MSRB3: variants seen among roughly 807,000 people sequenced by gnomAD.
MSRB3 encodes methionine sulfoxide reductase B3, also known as methionine-R-sulfoxide reductase B3.
Under a neutral mutation model 21.0 loss-of-function variants are expected in MSRB3, and 13 were observed. The ratio of observed to expected loss-of-function variants is 0.62; its 90% confidence interval spans 0.40 to 0.98. The LOEUF is 0.98. MSRB3 is among the 50% of genes least tolerant of loss of function. The pLI is 0.00. For missense variants in MSRB3, 199 were observed against 230.3 expected (o/e 0.86, Z 0.88); for synonymous variants, 87 against 88.6 (o/e 0.98, Z 0.10).
chr12:65,456,917 C>G (rs1249919729), intron 6 of MSRB3, among the ~76,000 whole-genome samples: 1 of 152,082 alleles, frequency 6.6e-6, no homozygotes, highest in Non-Finnish European at 1.5e-5. Context: ...GACTGGGTAT[C>G]TTTCATTTCA....
chr12:65,442,031 T>C lies in MSRB3; in HGVS notation c.293-11697T>C, dbSNP rs79400441. The stretch of plus-strand genomic sequence containing the variant: ...GAAAACTGTATTTTCAAGAATGGTT[T>C]TCAGAATTTAAATTTTAGTAGGTGG... On this transcript the variant is annotated intron_variant, in intron 5 of 6. Transcript: ENST00000308259. Among the ~76,000 whole-genome samples, 316 of 152,206 alleles carry C rather than the reference T, an allele frequency of 2.1e-3. 2 individuals are homozygous for C. The highest frequency in any genetic ancestry group is 7.1e-3 in the African/African-American group (293 of 41,560).
intron 4 of MSRB3, among the ~76,000 whole-genome samples, chr12:65,366,264 G>A (rs867151052): frequency 6.6e-6 from 1 of 152,168 alleles, no homozygotes; most frequent in South Asian, 2.1e-4. Context: ...CTCAGGTCCA[G>A]GCTCTTTCAT....
At chr12:65,383,983 G>T (rs1045444148) in intron 5 of MSRB3, among the ~76,000 whole-genome samples, 3 of 152,114 alleles carry the variant, frequency 2.0e-5, no homozygotes, top group Non-Finnish European at 4.4e-5. Context: ...GTAGAGATAT[G>T]CTGCTCGATA....
chr12:65,374,789 C>A (rs1878507054), intron 5 of MSRB3, among the ~76,000 whole-genome samples: 1 of 152,106 alleles, frequency 6.6e-6, no homozygotes, highest in South Asian at 2.1e-4. Flanking sequence ...TTGTTTATTT[C>A]TTTTACAGGA....
intron 4 of MSRB3, among the ~76,000 whole-genome samples, chr12:65,350,012 A>T (rs1022397284): frequency 2.6e-5 from 4 of 151,186 alleles, no homozygotes; most frequent in African/African-American, 4.9e-5. Flanking sequence ...GGTGATGCCT[A>T]GGTTTTCTTC....
intron 5 of MSRB3, among the ~76,000 whole-genome samples, chr12:65,406,003 T>A (rs1880394612): frequency 1.3e-5 from 2 of 152,174 alleles, no homozygotes; most frequent in South Asian, 4.1e-4. Flanking sequence ...TTGTAAATAT[T>A]TTCTCTTGTT....
intron 5 of MSRB3, among the ~76,000 whole-genome samples, chr12:65,400,976 T>A (rs909053251): frequency 6.6e-6 from 1 of 152,146 alleles, no homozygotes; most frequent in East Asian, 1.9e-4. Flanking sequence ...TCTGAGAGAC[T>A]GTTTGTTATG....
At chr12:65,453,629 G>T in intron 5 of MSRB3, 99 bp from the exon 6 acceptor site, 1 of 901,066 alleles carries the variant, frequency 1.1e-6, no homozygotes, top group Non-Finnish European at 1.8e-6. Flanking sequence ...ATACACTAAG[G>T]ATTTTCATTA....
intron 4 of MSRB3, 81 bp from the exon 5 acceptor site, chr12:65,368,916 CA>C: frequency 2.9e-6 from 2 of 678,816 alleles, no homozygotes; most frequent in Non-Finnish European, 5.0e-6. Context: ...CCTCCCCTCC[CA>C]ACCACACCCC....
At chr12:65,401,959 A>C (rs959373405) in intron 5 of MSRB3, among the ~76,000 whole-genome samples, 1 of 152,176 alleles carries the variant, frequency 6.6e-6, no homozygotes, top group Non-Finnish European at 1.5e-5. Flanking sequence ...TCTGGCTTGT[A>C]GAGTTTCTGC....
Position 65,463,891 on chromosome 12 carries a change from T to C in MSRB3, c.*569T>C, listed in dbSNP as rs1319648597. The C allele has an allele frequency of 1.3e-5, 2 of 155,058 alleles. No homozygotes were observed. Among genetic ancestry groups the C allele is most frequent in the Non-Finnish European group, 2.9e-5 (2 of 69,962 alleles). The allele number at this position is 155,058 out of a possible 1,614,324, so 9.6% of individuals were successfully genotyped here. A position where few individuals can be genotyped will look rare whatever the true frequency, so the allele number is the denominator to read the frequency against. ...TAAAGTCTTTCCTTATGTTAAATTG[T>C]TGCCAGATCCAAAGGGGCATACTGA... On this transcript the variant is annotated 3_prime_UTR_variant, in exon 7 of 7. Coordinates refer to ENST00000308259, the MANE Select transcript of MSRB3 (RefSeq NM_001031679.3).
At chr12:65,455,522 T>C (rs1264507587) in intron 6 of MSRB3, among the ~76,000 whole-genome samples, 1 of 152,120 alleles carries the variant, frequency 6.6e-6, no homozygotes, top group African/African-American at 2.4e-5. Context: ...GGTCCTTTTT[T>C]CTCTCTGTTA....
intron 5 of MSRB3, among the ~76,000 whole-genome samples, chr12:65,393,630 CAAAAAAAAA>C (rs59417371): frequency 1.1e-5 from 1 of 90,662 alleles, no homozygotes; most frequent in Admixed American, 1.3e-4. Flanking sequence ...GACTCCGTCG[CAAAAAAAAA>C]AAAAAAAAAA....
rs1883515822 is a variant in MSRB3 at position 65,465,306 on chromosome 12, G to A, written c.*1984G>A. On this transcript the variant is annotated 3_prime_UTR_variant, in exon 7 of 7. Transcript: ENST00000308259. ...TAGCCAGGTGTGAAGGTTGTATGGTGTGTGACGAATGTACATCATGTTTGT... is the reference window on the plus strand; with the variant it reads ...TAGCCAGGTGTGAAGGTTGTATGGTATGTGACGAATGTACATCATGTTTGT... The A allele has an allele frequency of 6.6e-6, 1 of 152,204 alleles. No individual in the cohort carries two copies. The highest frequency in any genetic ancestry group is 6.5e-5 in the Admixed American group (1 of 15,290). 9.4% of individuals were successfully genotyped at this position (152,204 alleles called of 1,614,324 possible).
At chr12:65,440,941 T>C (rs539282390) in intron 5 of MSRB3, among the ~76,000 whole-genome samples, 4 of 152,050 alleles carry the variant, frequency 2.6e-5, no homozygotes, top group Admixed American at 2.6e-4. Context: ...TACCATTTAG[T>C]GGAGTAAGAC....
chr12:65,377,230 T>C (rs189457842), intron 5 of MSRB3, among the ~76,000 whole-genome samples: 30 of 151,942 alleles, frequency 2.0e-4, no homozygotes, highest in South Asian at 1.0e-3. Context: ...TCCAAGTCTG[T>C]GAATTTCTTA....
At chr12:65,291,552 C>T (rs1385672516) in intron 1 of MSRB3, among the ~76,000 whole-genome samples, 1 of 151,674 alleles carries the variant, frequency 6.6e-6, no homozygotes, top group Non-Finnish European at 1.5e-5. Flanking sequence ...AAGTTGCTTA[C>T]ATCCTTGCTG....
chr12:65,458,492 G>C (rs1309507251), intron 6 of MSRB3, among the ~76,000 whole-genome samples: 1 of 152,232 alleles, frequency 6.6e-6, no homozygotes, highest in African/African-American at 2.4e-5. Context: ...AAGTGTTGCA[G>C]TGAGGTTCTT....
chr12:65,399,227 C>T (rs144801465), intron 5 of MSRB3, among the ~76,000 whole-genome samples: 2 of 152,262 alleles, frequency 1.3e-5, no homozygotes, highest in East Asian at 1.9e-4. Flanking sequence ...ATTGATTCTT[C>T]CTATCCATGA....
Sources: gnomAD v4.1 joint callset for allele counts (sites outside exome capture counted in the v4.1 genomes callset) on GRCh38, gnomAD v4.1.1 for gene constraint, MANE v1.5 for transcripts, NCBI Gene and HGNC (gene_info 2026-07-23, HGNC 2026-07-21) for gene names.